The following SATB2 variants were observed in gnomAD, a reference collection of about 807,000 sequenced individuals.
SATB2 encodes SATB homeobox 2, also known as DNA-binding protein SATB2.
Under a neutral mutation model 73.4 loss-of-function variants are expected in SATB2, and 1 was observed. That is an observed-to-expected ratio of 0.01 (90% CI 0.00 to 0.06). The LOEUF is 0.06. Ranked by LOEUF, SATB2 falls within the 10% of genes least tolerant of loss-of-function variation. SATB2 has a pLI of 1.00. For missense variants in SATB2, 459 were observed against 945.8 expected (o/e 0.49, Z 6.75); for synonymous variants, 397 against 367.0 (o/e 1.08, Z -0.93).
intron 2 of SATB2, among the ~76,000 whole-genome samples, chr2:199,442,372 C>G (rs1411261977): frequency 2.0e-5 from 3 of 152,176 alleles, no homozygotes; most frequent in African/African-American, 7.2e-5. Context: ...CAGAACTTGT[C>G]AGGGTATCAC....
intron 2 of SATB2, among the ~76,000 whole-genome samples, chr2:199,439,888 G>C (rs1304060450): frequency 6.6e-6 from 1 of 152,124 alleles, no homozygotes; most frequent in Non-Finnish European, 1.5e-5. Flanking sequence ...CGGATCACCT[G>C]AGGTCAGGAG....
intron 2 of SATB2, among the ~76,000 whole-genome samples, chr2:199,438,861 A>G (rs1257608604): frequency 6.6e-6 from 1 of 152,170 alleles, no homozygotes; most frequent in African/African-American, 2.4e-5. Context: ...AACTGAAACT[A>G]TGGGAGAAGT....
intron 10 of SATB2, among the ~76,000 whole-genome samples, chr2:199,299,247 T>A (rs1457417097): frequency 6.6e-6 from 1 of 152,230 alleles, no homozygotes; most frequent in Non-Finnish European, 1.5e-5. Context: ...AAACTATTTT[T>A]TAAAATGCCA....
At chr2:199,332,053 A>G (rs1413923239) in intron 7 of SATB2, among the ~76,000 whole-genome samples, 1 of 152,160 alleles carries the variant, frequency 6.6e-6, no homozygotes, top group Non-Finnish European at 1.5e-5. Context: ...ATGCACTTTT[A>G]TGAATAGAAA....
chr2:199,430,073 A>G (rs1482092262), intron 3 of SATB2, among the ~76,000 whole-genome samples: 4 of 152,272 alleles, frequency 2.6e-5, no homozygotes, highest in African/African-American at 9.6e-5. Flanking sequence ...CCCACCATTC[A>G]CACTGCCAAT....
chr2:199,320,942 C>T (rs1056324214), intron 9 of SATB2, among the ~76,000 whole-genome samples: 1 of 151,708 alleles, frequency 6.6e-6, no homozygotes, highest in Non-Finnish European at 1.5e-5. Context: ...TATTTGAACT[C>T]GGCCTTCAGG....
intron 3 of SATB2, among the ~76,000 whole-genome samples, chr2:199,391,432 CAAAA>C (rs56190034): frequency 0.62 from 60,592 of 97,872 alleles, 16,065 homozygotes; most frequent in Non-Finnish European, 0.69. Flanking sequence ...GACTCCGTCT[CAAAA>C]AAAAAAAAAA....
chr2:199,338,700 T>C (rs575732574), intron 7 of SATB2, among the ~76,000 whole-genome samples: 4 of 152,178 alleles, frequency 2.6e-5, no homozygotes, highest in African/African-American at 9.6e-5. Flanking sequence ...GGTGACTGCC[T>C]GAGCTCAGGA....
intron 3 of SATB2, among the ~76,000 whole-genome samples, chr2:199,390,821 T>C (rs1288618774): frequency 6.6e-6 from 1 of 152,134 alleles, no homozygotes; most frequent in African/African-American, 2.4e-5. Context: ...CCCTGGAAAC[T>C]CTCTATCAAT....
intron 3 of SATB2, among the ~76,000 whole-genome samples, chr2:199,403,888 A>G (rs944249262): frequency 2.0e-5 from 3 of 152,224 alleles, no homozygotes. Flanking sequence ...ACATCTACAC[A>G]GTGCCTTCTG....
At chr2:199,344,979 T>G (rs1688608108) in intron 7 of SATB2, among the ~76,000 whole-genome samples, 1 of 152,168 alleles carries the variant, frequency 6.6e-6, no homozygotes. Context: ...CCTCTCTCTC[T>G]TAACTTCTCA....
intron 1 of SATB2, among the ~76,000 whole-genome samples, chr2:199,456,542 A>T (rs1001519269): frequency 6.6e-6 from 1 of 152,094 alleles, no homozygotes; most frequent in African/African-American, 2.4e-5. Context: ...CGAATTAACC[A>T]CCCGGTAAAT....
At chr2:199,433,599 A>G in intron 2 of SATB2, 85 bp from the exon 3 acceptor site, 3 of 1,232,832 alleles carry the variant, frequency 2.4e-6, no homozygotes, top group Non-Finnish European at 3.6e-6. Flanking sequence ...CAACAGTTAT[A>G]AAAGTCAGTC....
intron 7 of SATB2, among the ~76,000 whole-genome samples, chr2:199,342,834 C>T (rs185290292): frequency 1.3e-5 from 2 of 152,166 alleles, no homozygotes; most frequent in Admixed American, 1.3e-4. Flanking sequence ...TCTTAAAAGA[C>T]ATATTTATTA....
intron 3 of SATB2, among the ~76,000 whole-genome samples, chr2:199,400,307 A>C (rs947225638): frequency 2.6e-5 from 4 of 152,200 alleles, no homozygotes; most frequent in Non-Finnish European, 4.4e-5. Context: ...ACAGATATCC[A>C]ATAAATATTT....
chr2:199,319,139 G>T (rs1687816673), intron 9 of SATB2, among the ~76,000 whole-genome samples: 2 of 152,026 alleles, frequency 1.3e-5, no homozygotes, highest in Admixed American at 1.3e-4. Flanking sequence ...TGGGGAAAAT[G>T]ATTTTAGAAT....
intron 6 of SATB2, among the ~76,000 whole-genome samples, chr2:199,356,242 A>AG (rs1688981522): frequency 6.6e-6 from 1 of 151,510 alleles, no homozygotes; most frequent in Non-Finnish European, 1.5e-5. Flanking sequence ...AAAAAAAAAA[A>AG]AAAAAGAAAG....
intron 6 of SATB2, among the ~76,000 whole-genome samples, chr2:199,364,965 G>C (rs1310407786): frequency 6.6e-6 from 1 of 152,150 alleles, no homozygotes; most frequent in East Asian, 1.9e-4. Context: ...TCATAAAAAT[G>C]ATGGGGAAAG....
intron 10 of SATB2, among the ~76,000 whole-genome samples, chr2:199,307,267 C>T (rs1056150043): frequency 2.0e-5 from 3 of 152,152 alleles, no homozygotes; most frequent in African/African-American, 7.2e-5. Flanking sequence ...TTCCCTAAAA[C>T]TTTTCAAATA....
Sources: gnomAD v4.1 joint callset for allele counts (sites outside exome capture counted in the v4.1 genomes callset) on GRCh38, gnomAD v4.1.1 for gene constraint, MANE v1.5 for transcripts, NCBI Gene and HGNC (gene_info 2026-07-23, HGNC 2026-07-21) for gene names.